Variants in SYBU observed in about 807,000 individuals in gnomAD.
SYBU encodes GOLSYN A protein.
SYBU carries 21 observed loss-of-function variants against 35.9 expected under a neutral mutation model. The ratio of observed to expected loss-of-function variants is 0.58; its 90% CI spans 0.41 to 0.84. The LOEUF (loss-of-function observed/expected upper bound fraction) is 0.84. Ranked by LOEUF, SYBU falls within the 40% of genes least tolerant of loss-of-function variation. SYBU has a pLI of 0.00. For synonymous variants in SYBU, 319 were observed against 324.3 expected, an observed-to-expected ratio of 0.98 and a Z score of 0.18; for missense variants, 768 against 848.2, an observed-to-expected ratio of 0.91 and a Z score of 1.17.
intron 3 of SYBU, among the ~76,000 whole-genome samples, chr8:109,591,826 T>G (rs1824314861): frequency 6.6e-6 from 1 of 152,064 alleles, no homozygotes; most frequent in Non-Finnish European, 1.5e-5. Flanking sequence ...ATGTAAATTT[T>G]TAAGGGAAAT....
At chr8:109,586,344 G>A (rs1276030099) in intron 3 of SYBU, 182 bp from the exon 4 acceptor site, 1 of 580,020 alleles carries the variant, frequency 1.7e-6, no homozygotes. Flanking sequence ...CCCAGTACAA[G>A]AACATCATTT....
chr8:109,689,504 G>A (rs990293765), intron 1 of SYBU, among the ~76,000 whole-genome samples: 1 of 151,846 alleles, frequency 6.6e-6, no homozygotes, highest in Non-Finnish European at 1.5e-5. Flanking sequence ...TTTATATTTG[G>A]TATTTTTAGT....
intron 3 of SYBU, chr8:109,607,985 T>C (rs937091530): frequency 3.3e-6 from 5 of 1,533,484 alleles, no homozygotes; most frequent in East Asian, 2.4e-5. Flanking sequence ...GGCTGGGGTA[T>C]GTCTTTTGCA....
At chr8:109,664,976 C>A (rs1295097172) in intron 1 of SYBU, among the ~76,000 whole-genome samples, 2 of 152,156 alleles carry the variant, frequency 1.3e-5, no homozygotes, top group Non-Finnish European at 2.9e-5. Flanking sequence ...AATTTCCCTT[C>A]ATTGATATCC....
At chr8:109,602,484 A>C (rs1162973356) in intron 3 of SYBU, among the ~76,000 whole-genome samples, 1 of 137,514 alleles carries the variant, frequency 7.3e-6, no homozygotes, top group African/African-American at 2.8e-5. Flanking sequence ...TCCAGGCTGG[A>C]GTGTAGTGGC....
At chr8:109,661,303 C>T (rs576195518) in intron 1 of SYBU, among the ~76,000 whole-genome samples, 55 of 152,098 alleles carry the variant, frequency 3.6e-4, no homozygotes, top group Non-Finnish European at 5.7e-4. Context: ...AACTATTGGA[C>T]ATGTAAAAGA....
At chr8:109,618,570 T>C (rs1036347901) in intron 3 of SYBU, among the ~76,000 whole-genome samples, 1 of 152,232 alleles carries the variant, frequency 6.6e-6, no homozygotes, top group African/African-American at 2.4e-5. Flanking sequence ...TGTTAAAACA[T>C]CTGGCTTATA....
At chr8:109,639,583 C>T (rs894164165) in intron 2 of SYBU, among the ~76,000 whole-genome samples, 3 of 152,218 alleles carry the variant, frequency 2.0e-5, no homozygotes, top group African/African-American at 4.8e-5. Flanking sequence ...GAAGCTAATA[C>T]AGGAGGATTA....
Position 109,691,419 on chromosome 8 carries a change from T to G in SYBU, c.-144A>C. 1 of 684,352 alleles carries G rather than the reference T, an allele frequency of 1.5e-6. No homozygotes were observed. Among genetic ancestry groups the G allele is most frequent in the East Asian group, 2.9e-5 (1 of 34,794 alleles). The allele number at this position is 684,352 out of a possible 1,614,324, so 42.4% of individuals were successfully genotyped here. A position where few individuals can be genotyped will look rare whatever the true frequency, so the allele number is the denominator to read the frequency against. ...GAGACCGGGCCCCGGCTGGGCCGGG[T>G]GCCGGTGCGGACGGGACCCCGCGTC... On this transcript the variant is annotated 5_prime_UTR_variant, in exon 1 of 8. Transcript: ENST00000422135. The surrounding 1 kb of genome is among the most constrained non-coding windows in gnomAD (Gnocchi z 4.7).
intron 3 of SYBU, among the ~76,000 whole-genome samples, chr8:109,599,919 C>T (rs1448535620): frequency 6.6e-6 from 1 of 152,234 alleles, no homozygotes; most frequent in Non-Finnish European, 1.5e-5. Context: ...AGCTTTCACA[C>T]ATGCTGTTCC....
chr8:109,589,006 A>G (rs771858723), intron 3 of SYBU, among the ~76,000 whole-genome samples: 3 of 152,110 alleles, frequency 2.0e-5, no homozygotes, highest in Non-Finnish European at 2.9e-5. Context: ...CTAAAAATAC[A>G]AAAATTAGCT....
At chr8:109,601,386 TA>T (rs1452586495) in intron 3 of SYBU, among the ~76,000 whole-genome samples, 2 of 152,200 alleles carry the variant, frequency 1.3e-5, no homozygotes, top group African/African-American at 4.8e-5. Flanking sequence ...ATGTTCAATC[TA>T]GTCCATCTCA....
In SYBU at chr8:109,607,833, C is replaced by CACACAT; in HGVS notation, c.427+11008_427+11009insATGTGT. 19 of 780,628 alleles carry CACACAT rather than the reference C, an allele frequency of 2.4e-5. No individual in the cohort carries two copies. The South Asian group carries it at 3.1e-4, about 13-fold the overall frequency. 48.4% of individuals were successfully genotyped at this position (780,628 alleles called of 1,614,324 possible). Reference sequence around the variant, plus strand: ...TCACACACACACACACACACACACACACACACACACACACACACACAGTCT... The same window carrying CACACAT: ...TCACACACACACACACACACACACACACACATACACACACACACACACACACAGTCT... On this transcript the variant is annotated intron_variant, in intron 3 of 6. Transcript: ENST00000276646.
chr8:109,597,153 A>C (rs938531310), intron 3 of SYBU, among the ~76,000 whole-genome samples: 3 of 152,140 alleles, frequency 2.0e-5, no homozygotes, highest in Non-Finnish European at 4.4e-5. Context: ...CCTGTACTTA[A>C]GACTTGGCAA....
chr8:109,579,886 A>T lies in SYBU; in HGVS notation c.647T>A (p.Val216Asp). The T allele has an allele frequency of 6.2e-7, 1 of 1,609,190 alleles. No homozygotes were observed. The highest frequency in any genetic ancestry group is 1.1e-5 in the South Asian group (1 of 90,950). ...AGGTGCATAACTGGGATGGATATTGACAGGGCTCAGCTGATTCCTGCACAG... is the reference window on the plus strand; with the variant it reads ...AGGTGCATAACTGGGATGGATATTGTCAGGGCTCAGCTGATTCCTGCACAG... ...SMLCRNQLSP[V>D]NIHPSYAPSS... Residue 216 changes from valine (V) to aspartate (D), a missense_variant, in exon 5 of 7, where the codon GTC becomes GAC. By Grantham distance (152) the Val-to-Asp change is radical. Transcript: ENST00000276646.
At chr8:109,634,748 A>C (rs1814025412) in intron 2 of SYBU, among the ~76,000 whole-genome samples, 2 of 152,232 alleles carry the variant, frequency 1.3e-5, no homozygotes, top group South Asian at 4.1e-4. Context: ...GGAAAGCATA[A>C]AGATGGGGGC....
At chr8:109,598,164 C>G (rs561782526) in intron 3 of SYBU, among the ~76,000 whole-genome samples, 1 of 152,232 alleles carries the variant, frequency 6.6e-6, no homozygotes, top group African/African-American at 2.4e-5. Flanking sequence ...TGAGATCCCC[C>G]AGCAGCTTCC....
At chr8:109,652,467 T>G (rs1268973941) in intron 1 of SYBU, among the ~76,000 whole-genome samples, 1 of 152,178 alleles carries the variant, frequency 6.6e-6, no homozygotes, top group Admixed American at 6.5e-5. Context: ...AAACAGCTTT[T>G]GGGCTTCCCC....
At chr8:109,668,347 A>T (rs1816843364) in intron 1 of SYBU, among the ~76,000 whole-genome samples, 1 of 152,160 alleles carries the variant, frequency 6.6e-6, no homozygotes, top group Non-Finnish European at 1.5e-5. Context: ...TTACATTAAG[A>T]TTCTAATTAT....
Sources: gnomAD v4.1 joint callset for allele counts (sites outside exome capture counted in the v4.1 genomes callset) on GRCh38, gnomAD v4.1.1 for gene constraint, Gnocchi (gnomAD v3.1) non-coding constraint, MANE v1.5 for transcripts, NCBI Gene and HGNC (gene_info 2026-07-23, HGNC 2026-07-21) for gene names.